DAB1: variants seen among roughly 807,000 people sequenced by gnomAD.
The protein encoded by DAB1 is disabled homolog 1.
In DAB1, 15 loss-of-function variants were observed where a neutral mutation model predicts 64.6. The observed-to-expected ratio is 0.23, with a 90% CI of 0.16 to 0.36. The LOEUF is 0.36. Among genes scored for constraint, DAB1 ranks in the 10% least tolerant of loss-of-function variants. The pLI, the probability that DAB1 is intolerant of heterozygous loss-of-function variation, is 1.00. For synonymous variants in DAB1, 235 were observed against 251.9 expected (o/e 0.93, Z 0.64); for missense variants, 596 against 706.7 (o/e 0.84, Z 1.78).
intron 4 of DAB1, among the ~76,000 whole-genome samples, chr1:58,242,215 G>A (rs902943927): frequency 1.3e-5 from 2 of 151,952 alleles, no homozygotes; most frequent in Admixed American, 6.6e-5. Flanking sequence ...CGTTTTAAGT[G>A]ACAAATGCAA....
At chr1:57,934,273 C>T (rs1644996153) in intron 5 of DAB1, among the ~76,000 whole-genome samples, 3 of 151,882 alleles carry the variant, frequency 2.0e-5, no homozygotes, top group African/African-American at 2.4e-5. Flanking sequence ...AGTGGTAGCT[C>T]ATTGTGAGAA....
chr1:58,277,037 CTTTT>C (rs869207396), intron 4 of DAB1, among the ~76,000 whole-genome samples: 1 of 79,642 alleles, frequency 1.3e-5, no homozygotes, highest in Non-Finnish European at 2.3e-5. Context: ...CTTTTTTTTT[CTTTT>C]TTTTTTTTTT....
chr1:57,556,381 T>G (rs1356552448), intron 7 of DAB1, among the ~76,000 whole-genome samples: 1 of 152,200 alleles, frequency 6.6e-6, no homozygotes, highest in East Asian at 1.9e-4. Context: ...TTGTACTAGT[T>G]TACACTCCCA....
chr1:58,091,717 T>C (rs1296359473), intron 5 of DAB1, among the ~76,000 whole-genome samples: 3 of 152,118 alleles, frequency 2.0e-5, no homozygotes, highest in African/African-American at 7.2e-5. Flanking sequence ...TCCAAATATG[T>C]CTTCTTATTC....
chr1:57,055,827 G>T (rs955690888), intron 9 of DAB1, among the ~76,000 whole-genome samples: 5 of 152,008 alleles, frequency 3.3e-5, no homozygotes, highest in Non-Finnish European at 5.9e-5. Flanking sequence ...ATCTCAAAGA[G>T]ACTGGAAATC....
rs538452541 is a variant in DAB1, at chr1:57,880,851, A to C, written n.87+3148T>G. 1.1e-4 allele frequency: 17 copies of C among 152,308 alleles called. No homozygotes were observed. In the South Asian group the frequency reaches 3.5e-3, roughly 32 times the overall value. 9.4% of individuals were successfully genotyped at this position (152,308 alleles called of 1,614,324 possible). ...AAATCCAGTATCAAAACACCCATTAAAGTGCTCTTTTGAAATTGTACATTT... is the reference window on the plus strand; with the variant it reads ...AAATCCAGTATCAAAACACCCATTACAGTGCTCTTTTGAAATTGTACATTT... On this transcript the variant is annotated intron_variant and non_coding_transcript_variant, in intron 1 of 1. Transcript: ENST00000477280.
At chr1:58,326,760 T>C (rs1184556010) in intron 4 of DAB1, among the ~76,000 whole-genome samples, 1 of 152,116 alleles carries the variant, frequency 6.6e-6, no homozygotes, top group Non-Finnish European at 1.5e-5. Context: ...CCCTGAAAGG[T>C]GATTTCATGC....
intron 3 of DAB1, among the ~76,000 whole-genome samples, chr1:58,486,702 T>A (rs1475110249): frequency 6.6e-6 from 1 of 152,084 alleles, no homozygotes; most frequent in South Asian, 2.1e-4. Flanking sequence ...GGACGGACAA[T>A]GAGTACATGG....
At chr1:57,439,553 C>T (rs1038348899) in intron 7 of DAB1, among the ~76,000 whole-genome samples, 3 of 149,534 alleles carry the variant, frequency 2.0e-5, no homozygotes, top group Non-Finnish European at 3.0e-5. Flanking sequence ...CTCAGCCTCC[C>T]GAGTAGCTGG....
chr1:57,973,986 C>T (rs769171427), intron 5 of DAB1, among the ~76,000 whole-genome samples: 1 of 152,134 alleles, frequency 6.6e-6, no homozygotes, highest in Admixed American at 6.6e-5. Flanking sequence ...TTTCATAAAA[C>T]ACCCAGTATG....
In DAB1 at chr1:57,131,520, C is replaced by T. The variant is rs1657650591; in HGVS notation, c.306+5023G>A. On this transcript the variant is annotated intron_variant, in intron 4 of 14. Coordinates refer to ENST00000371236, the MANE Select transcript of DAB1 (RefSeq NM_001365792.1). ...GAACACCAGGTCCCAGTGTGACGTT[C>T]TGCAGCCTCCTCAGCTTTTTCCTAA... Among the ~76,000 whole-genome samples the T allele has an allele frequency of 2.0e-5, 3 of 152,178 alleles. No homozygotes were observed. In the South Asian group the frequency reaches 6.2e-4, roughly 32 times the overall value.
intron 2 of DAB1, among the ~76,000 whole-genome samples, chr1:57,249,209 A>G (rs1029737070): frequency 2.9e-4 from 31 of 107,764 alleles, no homozygotes; most frequent in African/African-American, 1.1e-3. Flanking sequence ...TGGATCTTGT[A>G]TGTATAGAGA....
chr1:58,204,805 G>A (rs966314483), intron 4 of DAB1, among the ~76,000 whole-genome samples: 1 of 152,292 alleles, frequency 6.6e-6, no homozygotes, highest in Non-Finnish European at 1.5e-5. Flanking sequence ...GGCACCAATG[G>A]CATCTGCTAC....
At chr1:57,194,980 A>G (rs1446389378) in intron 2 of DAB1, among the ~76,000 whole-genome samples, 3 of 152,230 alleles carry the variant, frequency 2.0e-5, no homozygotes, top group African/African-American at 4.8e-5. Context: ...GTAACAGCGG[A>G]AAGTGTAATA....
intron 2 of DAB1, among the ~76,000 whole-genome samples, chr1:57,280,080 A>T (rs531826296): frequency 6.6e-6 from 1 of 152,280 alleles, no homozygotes; most frequent in Non-Finnish European, 1.5e-5. Flanking sequence ...GGTTAGAAAG[A>T]TCTGTGTGTA....
intron 4 of DAB1, among the ~76,000 whole-genome samples, chr1:58,227,630 G>A (rs1659560007): frequency 6.6e-6 from 1 of 152,080 alleles, no homozygotes; most frequent in African/African-American, 2.4e-5. Context: ...GAAAGTTAGG[G>A]GAGAGACAAT....
intron 6 of DAB1, among the ~76,000 whole-genome samples, chr1:57,800,386 A>G (rs891026978): frequency 1.4e-4 from 21 of 152,214 alleles, no homozygotes; most frequent in African/African-American, 4.8e-4. Context: ...GACCAGTCAG[A>G]GCTTCACATT....
At chr1:57,129,963 T>C (rs1048284074) in intron 4 of DAB1, among the ~76,000 whole-genome samples, 1 of 151,962 alleles carries the variant, frequency 6.6e-6, no homozygotes, top group African/African-American at 2.4e-5. Flanking sequence ...CAGTGACCGA[T>C]TAGCATCTGT....
At chr1:57,138,767 A>G (rs1349151410) in intron 3 of DAB1, among the ~76,000 whole-genome samples, 1 of 152,172 alleles carries the variant, frequency 6.6e-6, no homozygotes, top group Non-Finnish European at 1.5e-5. Flanking sequence ...CCAACACAGC[A>G]CACCCTTTAT....
Sources: allele counts gnomAD v4.1 joint callset (sites outside exome capture counted in the v4.1 genomes callset), GRCh38; gene constraint gnomAD v4.1.1; transcripts MANE v1.5; gene names NCBI Gene and HGNC (gene_info 2026-07-23, HGNC 2026-07-21).